The following ABCA4 variants were observed in gnomAD, a reference collection of about 807,000 sequenced individuals.
ABCA4 encodes the protein ATP binding cassette subfamily A member 4.
In ABCA4, 196 loss-of-function variants were observed where a neutral mutation model predicts 263.7. The observed-to-expected ratio is 0.74, with a 90% CI of 0.66 to 0.84. The LOEUF (loss-of-function observed/expected upper bound fraction) is 0.84, where lower values mean the gene tolerates loss of function less well. Ranked by LOEUF, ABCA4 falls within the 40% of genes least tolerant of loss-of-function variation. ABCA4 has a pLI of 0.00. For synonymous variants in ABCA4, 1,133 were observed against 1,094.2 expected (o/e 1.04, Z -0.70); for missense variants, 2,792 against 2,855.1 (o/e 0.98, Z 0.50).
At position 94,056,705 on chromosome 1, in the gene ABCA4, G is replaced by A; in HGVS notation, c.2278C>T (p.Leu760=). The A allele has an allele frequency of 1.2e-6, 2 of 1,614,184 alleles. No individual in the cohort carries two copies. Among genetic ancestry groups the A allele is most frequent in the Non-Finnish European group, 1.7e-6 (2 of 1,180,022 alleles). Reference sequence around the variant, plus strand: ...ATGACACCACTACAGGCTGCTGCCAGACTGGCCTTGGAGAAGAAGGTGCTG... The same window carrying A: ...ATGACACCACTACAGGCTGCTGCCAAACTGGCCTTGGAGAAGAAGGTGCTG... ...LLSTFFSKAS[L]AAACSGVIYF... is the part of the protein sequence containing the mutation. The change falls in exon 15 of 50, where the codon CTG becomes TTG. Residue 760 remains leucine, a synonymous_variant. Coordinates refer to ENST00000370225, the MANE Select transcript of ABCA4 (RefSeq NM_000350.3).
At position 94,001,103 on chromosome 1, in the gene ABCA4, A is replaced by G. The variant is rs1801555; in HGVS notation, c.6285T>C (p.Asp2095=). The part of the protein sequence containing the change: ...LIGCPPLVLL[D]EPTTGMDPQA... ...GGGGGTCCATCCCTGTGGTGGGCTC[A>G]TCCTGGGGGGTGGAGAGAAGGTTGG... The change falls in exon 46 of 50, where the codon GAT becomes GAC. Residue 2095 remains aspartate, a splice_region_variant and synonymous_variant. Transcript: ENST00000370225. 234,928 of 1,612,464 alleles carry G rather than the reference A, an allele frequency of 0.15. 28,639 individuals carry two copies. The highest frequency in any genetic ancestry group is 0.66 in the African/African-American group (49,369 of 74,848).
At chr1:94,101,582 C>T (rs559778360) in intron 5 of ABCA4, among the ~76,000 whole-genome samples, 1 of 152,342 alleles carries the variant, frequency 6.6e-6, no homozygotes, top group Non-Finnish European at 1.5e-5. Flanking sequence ...GGGTCCCTCA[C>T]TCCTCTGGAC....
intron 2 of ABCA4, among the ~76,000 whole-genome samples, chr1:94,112,177 T>C (rs1252086877): frequency 6.6e-6 from 1 of 152,204 alleles, no homozygotes; most frequent in Admixed American, 6.5e-5. Flanking sequence ...GGTGAAGGCT[T>C]TCCCACAGGG....
chr1:94,098,717 C>T, intron 6 of ABCA4, 77 bp downstream of exon 6: 2 of 1,545,060 alleles, frequency 1.3e-6, no homozygotes, highest in Non-Finnish European at 1.8e-6. Context: ...CTCACGCCCT[C>T]CCCAAGGTCA....
chr1:94,072,004 G>C (rs2151848), intron 11 of ABCA4, among the ~76,000 whole-genome samples: 76,222 of 152,072 alleles, frequency 0.5, 20,101 homozygotes, highest in African/African-American at 0.66. Context: ...ATATATCTGA[G>C]TCTAAAGTAC....
Position 94,060,686 on chromosome 1 carries a change from C to A in ABCA4, c.2011G>T (p.Val671Leu). The change falls in exon 14 of 50, where the codon GTG (valine) becomes TTG (leucine). Residue 671 changes from valine to leucine, a missense_variant. Val to Leu is a conservative substitution (Grantham distance 32). Transcript: ENST00000370225. ...LAWIYSVSMT[V>L]KSIVLEKELR... ...TCCTTCTCCAAGACGATGCTCTTCA[C>A]AGTCATGGAGACAGAGTAGATCCAT... 1 of 1,614,152 alleles carries A rather than the reference C, an allele frequency of 6.2e-7. No homozygotes were observed. Among genetic ancestry groups the A allele is most frequent in the Non-Finnish European group, 8.5e-7 (1 of 1,180,016 alleles).
At position 94,060,555 on chromosome 1, in the gene ABCA4, G is replaced by A. The variant is rs761583443; in HGVS notation, c.2142C>T (p.Leu714=). The A allele has an allele frequency of 4.3e-6, 7 of 1,613,884 alleles. No homozygotes were observed. In the Admixed American group the frequency reaches 8.3e-5, roughly 19 times the overall value. The change falls in exon 14 of 50, where the codon CTC becomes CTT. Residue 714 remains leucine (L), a synonymous_variant. Coordinates refer to ENST00000370225, the MANE Select transcript of ABCA4 (RefSeq NM_000350.3). ...SFSIMSMSIF[L]LTIFIMHGRI... is the part of the protein sequence containing the mutation. ...GGCTTACCATGATGAATATCGTCAG[G>A]AGGAAGATGCTCATCGACATGATGG...
intron 6 of ABCA4, among the ~76,000 whole-genome samples, chr1:94,090,172 C>A (rs1306041981): frequency 1.3e-5 from 2 of 152,170 alleles, no homozygotes; most frequent in African/African-American, 4.8e-5. Context: ...CTGACAGTGG[C>A]CCTGGCCAGG....
chr1:94,103,186 G>C, intron 4 of ABCA4, 44 bp from the exon 5 acceptor site: 1 of 1,610,524 alleles, frequency 6.2e-7, no homozygotes, highest in East Asian at 2.2e-5. Context: ...AAGGGGAAAT[G>C]GGTCAAAAAA....
intron 12 of ABCA4, 79 bp downstream of exon 12, chr1:94,063,033 T>C (rs963124268): frequency 2.3e-5 from 31 of 1,358,384 alleles, no homozygotes; most frequent in Non-Finnish European, 3.2e-5. Context: ...ATGAGTCCAG[T>C]CTCAATCCCT....
At chr1:94,000,127 C>A (rs1294505477) in intron 47 of ABCA4, among the ~76,000 whole-genome samples, 4 of 152,232 alleles carry the variant, frequency 2.6e-5, no homozygotes, top group Non-Finnish European at 5.9e-5. Flanking sequence ...CTCCCACCAA[C>A]CAGCTTAGTG....
chr1:94,054,421 T>C (rs531366935), intron 16 of ABCA4, among the ~76,000 whole-genome samples: 2 of 152,294 alleles, frequency 1.3e-5, no homozygotes, highest in East Asian at 3.9e-4. Context: ...TACAGAGCCA[T>C]AGTTATGTAG....
At chr1:94,060,040 G>A (rs1661076152) in intron 14 of ABCA4, among the ~76,000 whole-genome samples, 3 of 152,144 alleles carry the variant, frequency 2.0e-5, no homozygotes, top group Admixed American at 6.5e-5. Flanking sequence ...GTTTTTTGGT[G>A]AAGCCATGTA....
intron 6 of ABCA4, among the ~76,000 whole-genome samples, chr1:94,095,760 T>TG (rs1286739027): frequency 2.0e-5 from 3 of 151,706 alleles, no homozygotes; most frequent in Non-Finnish European, 4.4e-5. Context: ...TTTTTTTTTT[T>TG]TTTTTGTAAA....
At position 94,103,860 on chromosome 1, in the gene ABCA4, C is replaced by T. The variant is rs568611319; in HGVS notation, c.443-718G>A. Among the ~76,000 whole-genome samples, 5 of 152,256 alleles carry T rather than the reference C, an allele frequency of 3.3e-5. No homozygotes were observed. The South Asian group carries it at 1.0e-3, about 32-fold the overall frequency. On this transcript the variant is annotated intron_variant, in intron 4 of 49. Transcript: ENST00000370225. ...ACATGCCGGGGCTTGCCTGATGAGC[C>T]CTAGTCAAGCTCCCTCCAGCTCCTC...
In ABCA4 at chr1:94,044,684, G is replaced by A; in HGVS notation, c.2979C>T (p.Asp993=). 1.2e-6 allele frequency: 2 copies of A among 1,614,160 alleles called. No homozygotes were observed. Among genetic ancestry groups the A allele is most frequent in the Admixed American group, 1.7e-5 (1 of 60,026 alleles). ...TSGTVLVGGR[D]IETSLDAVRQ... ...GGACTGCATCCAGGCTGGTTTCAAT[G>A]TCCCTTCCCCCAACGAGCACAGTCC... Residue 993 remains aspartate, a synonymous_variant, in exon 20 of 50, where the codon GAC becomes GAT. Coordinates refer to ENST00000370225, the MANE Select transcript of ABCA4 (RefSeq NM_000350.3).
chr1:94,104,863 C>T (rs1030512778), intron 4 of ABCA4, among the ~76,000 whole-genome samples: 11 of 152,188 alleles, frequency 7.2e-5, no homozygotes, highest in African/African-American at 2.7e-4. Context: ...CCTCCTGTCC[C>T]TGGGTGCCAG....
intron 44 of ABCA4, among the ~76,000 whole-genome samples, chr1:94,002,706 A>G (rs1038994693): frequency 6.6e-5 from 10 of 151,520 alleles, no homozygotes; most frequent in African/African-American, 2.4e-4. Context: ...TCCTTCTCTC[A>G]CCTCTAGTTC....
At chr1:94,115,412 G>C (rs1292174342) in intron 1 of ABCA4, among the ~76,000 whole-genome samples, 2 of 152,158 alleles carry the variant, frequency 1.3e-5, no homozygotes, top group African/African-American at 4.8e-5. Flanking sequence ...CCACTTTGGG[G>C]CTTGCTTAAC....
Sources: allele counts gnomAD v4.1 joint callset (sites outside exome capture counted in the v4.1 genomes callset), GRCh38; gene constraint gnomAD v4.1.1; transcripts MANE v1.5; gene names NCBI Gene and HGNC (gene_info 2026-07-23, HGNC 2026-07-21).